Variants in KDM4C observed in about 807,000 individuals in gnomAD.
The protein encoded by KDM4C is lysine demethylase 4C.
Under a neutral mutation model 129.3 loss-of-function variants are expected in KDM4C, and 81 were observed. The observed-to-expected ratio is 0.63, with a 90% CI of 0.52 to 0.75. KDM4C has a LOEUF of 0.75. Ranked by LOEUF, KDM4C falls within the 30% of genes least tolerant of loss-of-function variation. The pLI, the probability that KDM4C is intolerant of heterozygous loss-of-function variation, is 0.00. For missense variants in KDM4C, 1,457 were observed against 1,304.0 expected (o/e 1.12, Z -1.81); for synonymous variants, 573 against 456.1 (o/e 1.26, Z -3.26).
intron 6 of KDM4C, among the ~76,000 whole-genome samples, chr9:6,884,645 C>T (rs1844980449): frequency 1.3e-5 from 2 of 152,150 alleles, no homozygotes; most frequent in South Asian, 4.1e-4. Flanking sequence ...TTTCCTTCCT[C>T]CCTCCTTTGT....
At position 7,165,371 on chromosome 9, in the gene KDM4C, T is replaced by C. The variant is rs1268499254; in HGVS notation, c.2901+14T>C. ...CACATGTACCAGGTGGGTTCTTCCT[T>C]CTCTGTGATGCTTGCTAAGATTGAC... On this transcript the variant is annotated intron_variant, in intron 20 of 21. Coordinates refer to ENST00000381309, the MANE Select transcript of KDM4C (RefSeq NM_015061.6). 2 of 1,613,002 alleles carry C rather than the reference T, an allele frequency of 1.2e-6. No homozygotes were observed.
At chr9:6,735,051 A>T (rs1817482456) in intron 1 of KDM4C, 1 of 464,644 alleles carries the variant, frequency 2.2e-6, no homozygotes, top group Middle Eastern at 7.8e-4. Flanking sequence ...GTGGTCAAAG[A>T]GATGCTCCAA....
chr9:6,977,429 C>T (rs1340767915), intron 8 of KDM4C, among the ~76,000 whole-genome samples: 1 of 152,070 alleles, frequency 6.6e-6, no homozygotes, highest in Admixed American at 6.6e-5. Flanking sequence ...TTCTTCAATC[C>T]TGAGATTCAA....
In KDM4C at chr9:7,169,825, G is replaced by A. The variant is rs757807048; in HGVS notation, c.2929G>A (p.Ala977Thr). The change falls in exon 21 of 22, where the codon GCA becomes ACA. Residue 977 changes from alanine to threonine, a missense_variant. Physicochemically the swap from Ala to Thr is moderately conservative, Grantham distance 58 (BLOSUM62 0). Coordinates refer to ENST00000381309, the MANE Select transcript of KDM4C (RefSeq NM_015061.6). ...TGAGTTTGAAGATGGATCCCAGATA[G>A]CAATGAAGAGAGAGGACATCTACAC... ...QVEFEDGSQI[A>T]MKREDIYTLD... 5.6e-6 allele frequency: 9 copies of A among 1,610,212 alleles called. No homozygotes were observed. The South Asian group carries it at 6.6e-5, about 12-fold the overall frequency.
intron 1 of KDM4C, among the ~76,000 whole-genome samples, chr9:6,773,764 C>A (rs1380452125): frequency 7.1e-6 from 1 of 141,676 alleles, no homozygotes. Flanking sequence ...GAGTGAGACT[C>A]TGTCTCAAAA....
intron 5 of KDM4C, among the ~76,000 whole-genome samples, chr9:6,851,797 C>G (rs1380715698): frequency 6.6e-6 from 1 of 152,124 alleles, no homozygotes; most frequent in Non-Finnish European, 1.5e-5. Flanking sequence ...ATATTCTGGT[C>G]AGGGCTAAGA....
intron 4 of KDM4C, among the ~76,000 whole-genome samples, chr9:6,841,691 A>T (rs1218709624): frequency 1.3e-5 from 2 of 152,138 alleles, no homozygotes; most frequent in African/African-American, 4.8e-5. Flanking sequence ...CCGTGTTGAT[A>T]TTGTAGCAGT....
At chr9:6,996,420 A>G (rs538415068) in intron 12 of KDM4C, among the ~76,000 whole-genome samples, 3 of 152,272 alleles carry the variant, frequency 2.0e-5, no homozygotes, top group East Asian at 1.9e-4. Context: ...TTGTTTCCCA[A>G]CATTTCTTAT....
chr9:6,724,015 T>C (rs4742245), intron 1 of KDM4C: 53,367 of 152,018 alleles, frequency 0.35, 9,674 homozygotes, highest in African/African-American at 0.46. Context: ...GATGAATACA[T>C]GATTAAGAGC....
intron 1 of KDM4C, among the ~76,000 whole-genome samples, chr9:6,767,469 C>T (rs1588133988): frequency 6.7e-6 from 1 of 149,020 alleles, no homozygotes. Context: ...GTGTCTTGAT[C>T]TGTCACCTAG....
chr9:6,991,249 A>T (rs987312250), intron 12 of KDM4C, among the ~76,000 whole-genome samples: 6 of 148,768 alleles, frequency 4.0e-5, no homozygotes, highest in Admixed American at 1.3e-4. Context: ...TGGTTAATTT[A>T]AAAAAAAAAT....
At chr9:6,871,405 C>T (rs77022642) in intron 5 of KDM4C, among the ~76,000 whole-genome samples, 4,668 of 152,078 alleles carry the variant, frequency 0.031, 154 homozygotes, top group East Asian at 0.17. Context: ...CCTTGGCCTT[C>T]AAAATAAATC....
intron 15 of KDM4C, among the ~76,000 whole-genome samples, chr9:7,025,280 A>G (rs768745871): frequency 2.0e-5 from 3 of 152,174 alleles, no homozygotes; most frequent in Non-Finnish European, 4.4e-5. Context: ...TCTTGTAGAC[A>G]ACAGATAATT....
intron 5 of KDM4C, among the ~76,000 whole-genome samples, chr9:6,873,939 A>G (rs1843172858): frequency 7.9e-6 from 1 of 126,204 alleles, no homozygotes; most frequent in African/African-American, 3.1e-5. Context: ...AGTGAGAGAG[A>G]GCGAGAGAGA....
At chr9:7,028,015 G>T (rs1826082540) in intron 15 of KDM4C, among the ~76,000 whole-genome samples, 1 of 152,156 alleles carries the variant, frequency 6.6e-6, no homozygotes, top group Non-Finnish European at 1.5e-5. Context: ...CCCAGAACTG[G>T]TAAAGAAATG....
chr9:6,944,252 TAGGCAGTGC>T (rs1442075342), intron 8 of KDM4C, among the ~76,000 whole-genome samples: 2 of 152,228 alleles, frequency 1.3e-5, no homozygotes, highest in African/African-American at 4.8e-5. Context: ...TCAGAAGGCC[TAGGCAGTGC>T]AGGAAGTGCT....
chr9:7,034,548 C>T (rs913803437), intron 15 of KDM4C, among the ~76,000 whole-genome samples: 3 of 152,186 alleles, frequency 2.0e-5, no homozygotes, highest in Non-Finnish European at 4.4e-5. Flanking sequence ...ATGGTGTATA[C>T]ATGCCACATT....
chr9:6,902,187 A>C (rs1817525590), intron 8 of KDM4C, among the ~76,000 whole-genome samples: 1 of 152,220 alleles, frequency 6.6e-6, no homozygotes, highest in Admixed American at 6.5e-5. Flanking sequence ...TGTTTTGTAC[A>C]TATATCATTT....
chr9:7,032,046 T>G (rs148032693), intron 15 of KDM4C, among the ~76,000 whole-genome samples: 1 of 152,354 alleles, frequency 6.6e-6, no homozygotes, highest in East Asian at 1.9e-4. Flanking sequence ...AGAAAACTGG[T>G]AACTCTTGAC....
Sources: allele counts gnomAD v4.1 joint callset (sites outside exome capture counted in the v4.1 genomes callset), GRCh38; gene constraint gnomAD v4.1.1; transcripts MANE v1.5; gene names NCBI Gene and HGNC (gene_info 2026-07-23, HGNC 2026-07-21).